CNTN5: variants seen among roughly 807,000 people sequenced by gnomAD.
The protein encoded by CNTN5 is contactin 5.
CNTN5 carries 77 observed loss-of-function variants against 129.1 expected under a neutral mutation model. The ratio of observed to expected loss-of-function variants is 0.60; its 90% CI spans 0.50 to 0.72. The LOEUF (loss-of-function observed/expected upper bound fraction) is 0.72. CNTN5 is among the 30% of genes least tolerant of loss of function. CNTN5 has a pLI of 0.00. For synonymous variants in CNTN5, 509 were observed against 465.6 expected, an observed-to-expected ratio of 1.09 and a Z score of -1.20; for missense variants, 1,478 against 1,328.8, an observed-to-expected ratio of 1.11 and a Z score of -1.75.
intron 1 of CNTN5, among the ~76,000 whole-genome samples, chr11:99,074,247 T>C (rs1342256761): frequency 6.6e-6 from 1 of 152,106 alleles, no homozygotes; most frequent in Admixed American, 6.5e-5. Flanking sequence ...TTTAAATTTG[T>C]TTAAGTTCCT....
chr11:99,030,112 T>G (rs1466942121), intron 1 of CNTN5, among the ~76,000 whole-genome samples: 3 of 152,138 alleles, frequency 2.0e-5, no homozygotes, highest in Non-Finnish European at 2.9e-5. Flanking sequence ...TTAACCCAGG[T>G]GTTTCCCTGA....
chr11:99,098,551 G>A (rs1003382488), intron 1 of CNTN5, among the ~76,000 whole-genome samples: 97 of 152,148 alleles, frequency 6.4e-4, no homozygotes, highest in African/African-American at 2.3e-3. Context: ...GGTTTTCATC[G>A]TCTGACTTTT....
At chr11:99,860,705 T>C (rs557127429) in intron 6 of CNTN5, among the ~76,000 whole-genome samples, 2 of 152,304 alleles carry the variant, frequency 1.3e-5, no homozygotes, top group South Asian at 2.1e-4. Flanking sequence ...CATAGCCTTA[T>C]AGTGTAGTTT....
At chr11:99,772,705 A>G (rs538404776) in intron 3 of CNTN5, among the ~76,000 whole-genome samples, 1 of 152,204 alleles carries the variant, frequency 6.6e-6, no homozygotes, top group Non-Finnish European at 1.5e-5. Context: ...TAAATAATAG[A>G]TTACCTCTGA....
intron 13 of CNTN5, among the ~76,000 whole-genome samples, chr11:100,098,354 T>C (rs1418987538): frequency 1.3e-5 from 2 of 152,114 alleles, no homozygotes; most frequent in Admixed American, 1.3e-4. Context: ...CCCCTGACTT[T>C]AGTACATAAC....
intron 1 of CNTN5, among the ~76,000 whole-genome samples, chr11:99,323,141 A>G (rs777397860): frequency 1.3e-5 from 2 of 152,164 alleles, no homozygotes; most frequent in African/African-American, 2.4e-5. Context: ...TAATTTTCTC[A>G]TCTATTATTT....
At chr11:99,677,423 A>T (rs1284406483) in intron 3 of CNTN5, among the ~76,000 whole-genome samples, 6 of 152,122 alleles carry the variant, frequency 3.9e-5, no homozygotes, top group Non-Finnish European at 2.9e-5. Flanking sequence ...CTACCACATG[A>T]GCAGTTTGAG....
At chr11:100,107,809 C>G (rs1945501738) in intron 13 of CNTN5, among the ~76,000 whole-genome samples, 1 of 151,848 alleles carries the variant, frequency 6.6e-6, no homozygotes, top group Non-Finnish European at 1.5e-5. Context: ...TCCAGTGATA[C>G]AAATGTATAC....
At chr11:100,343,213 G>C (rs1393239733) in intron 23 of CNTN5, among the ~76,000 whole-genome samples, 1 of 152,164 alleles carries the variant, frequency 6.6e-6, no homozygotes, top group Non-Finnish European at 1.5e-5. Flanking sequence ...CACTAGCATA[G>C]TCCATTTTAG....
chr11:99,762,928 G>A (rs559141715), intron 3 of CNTN5, among the ~76,000 whole-genome samples: 50 of 152,162 alleles, frequency 3.3e-4, no homozygotes, highest in African/African-American at 1.1e-3. Context: ...TGATGTAAAA[G>A]CTTCATGCAT....
chr11:100,220,058 A>G (rs544241471), intron 15 of CNTN5, among the ~76,000 whole-genome samples: 1 of 152,062 alleles, frequency 6.6e-6, no homozygotes, highest in East Asian at 1.9e-4. Flanking sequence ...TGGGTGGATC[A>G]TGAGGTCGAG....
chr11:99,743,313 CCTA>C (rs1943943409), intron 3 of CNTN5, among the ~76,000 whole-genome samples: 1 of 152,074 alleles, frequency 6.6e-6, no homozygotes, highest in Non-Finnish European at 1.5e-5. Context: ...AAAGATTTAT[CCTA>C]CTATCACAAA....
intron 1 of CNTN5, among the ~76,000 whole-genome samples, chr11:99,316,527 G>C (rs1565485746): frequency 6.6e-6 from 1 of 152,058 alleles, no homozygotes; most frequent in Admixed American, 6.6e-5. Flanking sequence ...TTTAGGTGTT[G>C]TATATCTCTC....
intron 13 of CNTN5, among the ~76,000 whole-genome samples, chr11:100,105,058 C>A (rs1410777741): frequency 2.0e-5 from 3 of 152,092 alleles, no homozygotes; most frequent in Non-Finnish European, 4.4e-5. Context: ...CACCATATAT[C>A]CTCCGCATCG....
chr11:99,368,815 A>G (rs1204614997), intron 2 of CNTN5, among the ~76,000 whole-genome samples: 1 of 152,160 alleles, frequency 6.6e-6, no homozygotes, highest in East Asian at 1.9e-4. Flanking sequence ...ACGAAGAATT[A>G]TTCAAGGCTA....
intron 3 of CNTN5, among the ~76,000 whole-genome samples, chr11:99,656,790 G>T (rs1428665599): frequency 6.6e-6 from 1 of 152,018 alleles, no homozygotes; most frequent in Non-Finnish European, 1.5e-5. Context: ...GGATAGCAAA[G>T]GCCCTTCCTT....
At chr11:100,064,801 C>G (rs765497332) in intron 10 of CNTN5, among the ~76,000 whole-genome samples, 4 of 151,586 alleles carry the variant, frequency 2.6e-5, no homozygotes, top group Non-Finnish European at 5.9e-5. Context: ...AAATAAATGA[C>G]AAAATGACAA....
intron 6 of CNTN5, 52 bp downstream of exon 6, chr11:99,845,314 AG>A: frequency 1.1e-5 from 11 of 967,154 alleles, no homozygotes; most frequent in Non-Finnish European, 1.5e-5. Flanking sequence ...GTGTATATAC[AG>A]TATGGATTTT....
intron 3 of CNTN5, among the ~76,000 whole-genome samples, chr11:99,612,414 T>G (rs1370978285): frequency 6.6e-6 from 1 of 152,160 alleles, no homozygotes; most frequent in Non-Finnish European, 1.5e-5. Context: ...TAATTTAAAT[T>G]GAGTAGGTAA....
Sources: allele counts gnomAD v4.1 joint callset (sites outside exome capture counted in the v4.1 genomes callset), GRCh38; gene constraint gnomAD v4.1.1; transcripts MANE v1.5; gene names NCBI Gene and HGNC (gene_info 2026-07-23, HGNC 2026-07-21).